Variants in MTCL1 observed in about 807,000 individuals in gnomAD.
The protein encoded by MTCL1 is microtubule crosslinking factor 1.
Under a neutral mutation model 141.4 loss-of-function variants are expected in MTCL1, and 79 were observed. The observed-to-expected ratio is 0.56, with a 90% CI of 0.47 to 0.67. The LOEUF (loss-of-function observed/expected upper bound fraction) is 0.67. Ranked by LOEUF, MTCL1 falls within the 30% of genes least tolerant of loss-of-function variation. The pLI is 0.00. For missense variants in MTCL1, 2,177 were observed against 2,113.9 expected (o/e 1.03, Z -0.59); for synonymous variants, 914 against 875.8 (o/e 1.04, Z -0.77).
At chr18:8,718,693 C>G in intron 3 of MTCL1, 45 bp downstream of exon 2, 1 of 1,580,082 alleles carries the variant, frequency 6.3e-7, no homozygotes, top group South Asian at 1.1e-5. Context: ...CTGCTGTGGA[C>G]CGGCTGGCCA....
chr18:8,829,778 C>G, intron 16 of MTCL1: 1 of 985,212 alleles, frequency 1.0e-6, no homozygotes, highest in Non-Finnish European at 1.2e-6. Context: ...GGCAGCATCC[C>G]AGGACACCAT....
chr18:8,799,108 G>A (rs2076026609), intron 10 of MTCL1, among the ~76,000 whole-genome samples: 1 of 152,216 alleles, frequency 6.6e-6, no homozygotes, highest in African/African-American at 2.4e-5. Flanking sequence ...GTGGCCACGG[G>A]GATGCGGCAG....
intron 4 of MTCL1, among the ~76,000 whole-genome samples, chr18:8,745,299 C>G (rs905391344): frequency 1.4e-4 from 22 of 152,268 alleles, no homozygotes; most frequent in Admixed American, 1.3e-3. Flanking sequence ...TTTTCTTGCT[C>G]TCCTTTACAG....
intron 4 of MTCL1, among the ~76,000 whole-genome samples, chr18:8,745,539 C>T (rs1449618895): frequency 6.6e-6 from 1 of 152,208 alleles, no homozygotes; most frequent in East Asian, 1.9e-4. Flanking sequence ...TTAGTCTCTT[C>T]TCTTGTGTTT....
chr18:8,832,150 C>T (rs4798693), exon 17 of MTCL1: 8,636 of 249,540 alleles, frequency 0.035, 239 homozygotes, highest in South Asian at 0.097. Context: ...TGAACACCCT[C>T]GCTGTCAATA....
chr18:8,796,209 C>G, intron 8 of MTCL1, 23 bp from the exon 8 acceptor site: 2 of 1,611,548 alleles, frequency 1.2e-6, no homozygotes, highest in Non-Finnish European at 1.7e-6. Flanking sequence ...GCTTGTCACA[C>G]TGTCTCTCTT....
intron 9 of MTCL1, among the ~76,000 whole-genome samples, chr18:8,796,874 T>A (rs2075944038): frequency 6.6e-6 from 1 of 152,236 alleles, no homozygotes. Context: ...CAATGTCTAC[T>A]CTTTCTTTTT....
At chr18:8,826,206 G>A (rs562415659) in exon 15 of MTCL1, 1 of 1,606,196 alleles carries the variant, frequency 6.2e-7, no homozygotes, top group South Asian at 1.1e-5. Context: ...CTCGCTGGGG[G>A]ACACAGCCGA....
At chr18:8,829,693 A>G in intron 16 of MTCL1, 1 of 985,276 alleles carries the variant, frequency 1.0e-6, no homozygotes, top group Non-Finnish European at 1.2e-6. Flanking sequence ...TCTGTTGTCA[A>G]ATACAACAGA....
chr18:8,796,128 C>A, intron 8 of MTCL1, 104 bp from the exon 8 acceptor site: 1 of 1,111,752 alleles, frequency 9.0e-7, no homozygotes, highest in South Asian at 1.4e-5. Context: ...GTCTCATATG[C>A]AGCATGACAG....
chr18:8,820,807 C>T (rs1015503485), intron 13 of MTCL1, among the ~76,000 whole-genome samples: 1 of 152,154 alleles, frequency 6.6e-6, no homozygotes, highest in East Asian at 1.9e-4. Context: ...ATATGCTTCC[C>T]TTACTGTTAG....
rs1261011956 is a variant in MTCL1, at chr18:8,810,787, T to G, written c.2605-2192T>G. 6.6e-6 allele frequency among the ~76,000 whole-genome samples: 1 copy of G among 152,174 alleles called. No homozygotes were observed. The highest frequency in any genetic ancestry group is 2.4e-5 in the African/African-American group (1 of 41,432). Reference sequence around the variant, plus strand: ...TAGAAAAAGTTTTATTTTCCCCAGATTTACATTTTATAAATAATTGATCAA... The same window carrying G: ...TAGAAAAAGTTTTATTTTCCCCAGAGTTACATTTTATAAATAATTGATCAA... On this transcript the variant is annotated intron_variant, in intron 11 of 16. Coordinates refer to ENST00000359865, the Ensembl canonical transcript of MTCL1. This position sits in a 1 kb window ranked among gnomAD's most constrained non-coding sequence, Gnocchi z 5.0.
intron 4 of MTCL1, among the ~76,000 whole-genome samples, chr18:8,728,720 CTTTTTTT>C (rs34524200): frequency 8.5e-5 from 5 of 59,074 alleles, no homozygotes; most frequent in African/African-American, 2.7e-4. Flanking sequence ...GTTGTCCATT[CTTTTTTT>C]TTTTTTTTTT....
chr18:8,783,555 A>C (rs977167590), exon 6 of MTCL1: 1 of 1,604,812 alleles, frequency 6.2e-7, no homozygotes, highest in Non-Finnish European at 8.5e-7. Context: ...TTGAGGTGCC[A>C]GCTCCAGTTT....
intron 4 of MTCL1, among the ~76,000 whole-genome samples, chr18:8,732,497 G>A (rs150897981): frequency 5.9e-5 from 9 of 152,096 alleles, no homozygotes; most frequent in Non-Finnish European, 1.2e-4. Context: ...GATTCTCTAC[G>A]GCCTGAGTGC....
intron 4 of MTCL1, among the ~76,000 whole-genome samples, chr18:8,764,792 A>G (rs545358221): frequency 2.1e-4 from 32 of 152,338 alleles, no homozygotes; most frequent in Non-Finnish European, 3.7e-4. Context: ...ATGTTGGGTC[A>G]ACTTTGGAGT....
chr18:8,817,543 A>G (rs896597263), intron 12 of MTCL1, among the ~76,000 whole-genome samples: 4 of 152,118 alleles, frequency 2.6e-5, no homozygotes, highest in Non-Finnish European at 5.9e-5. Flanking sequence ...TTACTGTCTC[A>G]TATGGCTTTC....
intron 3 of MTCL1, among the ~76,000 whole-genome samples, chr18:8,718,957 T>C (rs917625541): frequency 6.6e-6 from 1 of 152,184 alleles, no homozygotes; most frequent in Non-Finnish European, 1.5e-5. Flanking sequence ...CTGAAATATT[T>C]TTTTTAAAAA....
intron 4 of MTCL1, among the ~76,000 whole-genome samples, chr18:8,733,913 T>G (rs2096263632): frequency 6.6e-6 from 1 of 152,176 alleles, no homozygotes; most frequent in East Asian, 1.9e-4. Context: ...TGGTTTGGGT[T>G]TGGATATGTC....
Sources: allele counts gnomAD v4.1 joint callset (sites outside exome capture counted in the v4.1 genomes callset), GRCh38; gene constraint gnomAD v4.1.1; non-coding constraint Gnocchi (gnomAD v3.1); transcripts MANE v1.5; gene names NCBI Gene and HGNC (gene_info 2026-07-23, HGNC 2026-07-21).